F5: variants seen among roughly 807,000 people sequenced by gnomAD.
The protein encoded by F5 is activated protein c cofactor.
A neutral mutation model predicts 216.4 loss-of-function variants in F5; 138 were observed. The ratio of observed to expected loss-of-function variants is 0.64; its 90% CI spans 0.56 to 0.73. The LOEUF (loss-of-function observed/expected upper bound fraction) is 0.73. Ranked by LOEUF, F5 falls within the 30% of genes least tolerant of loss-of-function variation. The pLI is 0.00. For missense variants in F5, 2,403 were observed against 2,674.0 expected (o/e 0.90, Z 2.24); for synonymous variants, 916 against 930.7 (o/e 0.98, Z 0.29).
At chr1:169,563,898 T>C (rs1052367467) in intron 3 of F5, among the ~76,000 whole-genome samples, 1 of 152,116 alleles carries the variant, frequency 6.6e-6, no homozygotes, top group African/African-American at 2.4e-5. Context: ...TGGTTATGAG[T>C]CATCTCTTTC....
At position 169,526,712 on chromosome 1, in the gene F5, GT is replaced by G. The variant is rs142051939; in HGVS notation, c.5600-696del. Among the ~76,000 whole-genome samples the G allele has an allele frequency of 4.0e-3, 606 of 152,130 alleles. 28 individuals are homozygous for G. In the East Asian group the frequency reaches 0.096, roughly 24 times the overall value. ...TCCTCTCTCCAATGCAGGTATTTAG[GT>G]TTGCAGATTTAGAGACACCAGCCAA... On this transcript the variant is annotated intron_variant, in intron 17 of 24. Transcript: ENST00000367797.
rs1660654868 is a variant in F5 at position 169,568,307 on chromosome 1, T to G, written c.373+3914A>C. Among the ~76,000 whole-genome samples, 3 of 152,158 alleles carry G rather than the reference T, an allele frequency of 2.0e-5. No individual in the cohort carries two copies. The South Asian group carries it at 6.2e-4, about 31-fold the overall frequency. On this transcript the variant is annotated intron_variant, in intron 3 of 24. Coordinates refer to ENST00000367797, the MANE Select transcript of F5 (RefSeq NM_000130.5). ...GATATAGACTTGTACATAGGATATA[T>G]TCTATAATTACACTGAGTGAGATGG... is the stretch of plus-strand genomic sequence containing the variant.
At chr1:169,546,803 T>G (rs1302093272) in intron 10 of F5, among the ~76,000 whole-genome samples, 1 of 151,778 alleles carries the variant, frequency 6.6e-6, no homozygotes, top group Non-Finnish European at 1.5e-5. Flanking sequence ...CTTTCTTACA[T>G]CATATACAAA....
At chr1:169,580,726 T>A (rs1660968108) in intron 2 of F5, among the ~76,000 whole-genome samples, 1 of 152,054 alleles carries the variant, frequency 6.6e-6, no homozygotes, top group Non-Finnish European at 1.5e-5. Context: ...CTGTTTAAAA[T>A]TAAATAAATA....
intron 9 of F5, among the ~76,000 whole-genome samples, chr1:169,550,281 GC>G (rs1162969643): frequency 6.3e-5 from 2 of 31,790 alleles, no homozygotes; most frequent in Admixed American, 2.8e-4. Flanking sequence ...CCCTCCCCCC[GC>G]CCCCCACCCC....
intron 8 of F5, among the ~76,000 whole-genome samples, chr1:169,551,376 G>A: frequency 6.6e-6 from 1 of 152,228 alleles, no homozygotes; most frequent in South Asian, 2.1e-4. Flanking sequence ...CCTGAGCCCA[G>A]GAAGTGGAGG....
At position 169,515,454 on chromosome 1, in the gene F5, A is replaced by G. The variant is rs1659135902; in HGVS notation, c.6518T>C (p.Met2173Thr). ...CAGATGCCACTCTACCTTGTCCACC[A>G]TGGAGGATTTCAGCCTGTATGGTTT... ...EWKPYRLKSS[M>T]VDKIFEGNTN... Residue 2173 changes from methionine (M) to threonine (T), a missense_variant, in exon 24 of 25, where the codon ATG (methionine) becomes ACG (threonine). Around this residue, in one of 4 missense-constraint regions of F5, gnomAD observed 659 missense variants for 787.9 expected, o/e 0.84. Coordinates refer to ENST00000367797, the MANE Select transcript of F5 (RefSeq NM_000130.5). 2.5e-6 allele frequency: 4 copies of G among 1,613,282 alleles called. No individual in the cohort carries two copies. Among genetic ancestry groups the G allele is most frequent in the East Asian group, 2.2e-5 (1 of 44,858 alleles).
chr1:169,549,210 C>T (rs1660096390), intron 10 of F5, among the ~76,000 whole-genome samples: 1 of 152,162 alleles, frequency 6.6e-6, no homozygotes, highest in Admixed American at 6.5e-5. Flanking sequence ...TATGAGACTA[C>T]AATTCTTCAA....
intron 10 of F5, among the ~76,000 whole-genome samples, chr1:169,548,080 T>G (rs2101823972): frequency 6.6e-6 from 1 of 152,202 alleles, no homozygotes; most frequent in East Asian, 1.9e-4. Flanking sequence ...CTAAGCAAGT[T>G]AACGCAAGAA....
At chr1:169,583,045 T>C (rs9332496) in intron 1 of F5, among the ~76,000 whole-genome samples, 7,314 of 152,256 alleles carry the variant, frequency 0.048, 595 homozygotes, top group African/African-American at 0.16. Flanking sequence ...AAAAACTGTT[T>C]TGGAAAGAGT....
At chr1:169,536,478 A>C in intron 14 of F5, 28 bp downstream of exon 14, 3 of 1,604,102 alleles carry the variant, frequency 1.9e-6, no homozygotes, top group South Asian at 1.1e-5. Context: ...ATTCCTCCGA[A>C]GATCTTAGCA....
chr1:169,523,694 G>T, intron 20 of F5, 107 bp downstream of exon 20: 2 of 1,037,006 alleles, frequency 1.9e-6, no homozygotes, highest in Non-Finnish European at 3.0e-6. Flanking sequence ...CTTAGTACTT[G>T]CTATTTCCCC....
At chr1:169,543,760 G>A (rs1659930779) in intron 12 of F5, among the ~76,000 whole-genome samples, 1 of 152,134 alleles carries the variant, frequency 6.6e-6, no homozygotes, top group African/African-American at 2.4e-5. Flanking sequence ...CTATTTTAAT[G>A]GTCAAAGTAA....
intron 3 of F5, among the ~76,000 whole-genome samples, chr1:169,564,669 C>A (rs1020609389): frequency 1.3e-5 from 2 of 152,080 alleles, no homozygotes; most frequent in Admixed American, 1.3e-4. Context: ...TATTTTTTTA[C>A]ATTACAGCAA....
intron 16 of F5, 115 bp downstream of exon 16, chr1:169,529,493 G>T: frequency 2.1e-6 from 2 of 959,178 alleles, no homozygotes; most frequent in Non-Finnish European, 3.3e-6. Context: ...TTTAGTTGTA[G>T]CTCTGGGTGT....
chr1:169,560,847 A>G (rs1660465759), intron 3 of F5, 81 bp from the exon 4 acceptor site: 6 of 1,258,312 alleles, frequency 4.8e-6, no homozygotes. Context: ...GGGGATAGCT[A>G]AGATGAGTTC....
intron 17 of F5, 62 bp from the exon 18 acceptor site, chr1:169,526,079 G>A: frequency 1.8e-6 from 2 of 1,137,258 alleles, no homozygotes; most frequent in South Asian, 2.5e-5. Context: ...GTGGTTGATA[G>A]TTCTCTAAGA....
rs60015398 is a variant in F5, at chr1:169,550,288, A to AC, written c.1397-274dup. Among the ~76,000 whole-genome samples, 297 of 72,234 alleles carry AC rather than the reference A, an allele frequency of 4.1e-3. 1 individual carries two copies. The highest frequency in any genetic ancestry group is 7.9e-3 in the South Asian group (14 of 1,778). The allele number at this position is 72,234 out of a possible 152,430, so 47.4% of individuals were successfully genotyped here. On this transcript the variant is annotated intron_variant, in intron 9 of 24. Transcript: ENST00000367797. ...AATGCTATCCCTCCCCCCGCCCCCCACCCCCCCCCCCCGACAGGCCCCGGT... is the reference window on the plus strand; with the variant it reads ...AATGCTATCCCTCCCCCCGCCCCCCACCCCCCCCCCCCCGACAGGCCCCGGT...
At chr1:169,544,753 T>C (rs1274666798) in intron 11 of F5, among the ~76,000 whole-genome samples, 1 of 152,234 alleles carries the variant, frequency 6.6e-6, no homozygotes, top group African/African-American at 2.4e-5. Flanking sequence ...TCCATTTACA[T>C]TGATTTAGTC....
Sources: gnomAD v4.1 joint callset for allele counts (sites outside exome capture counted in the v4.1 genomes callset) on GRCh38, gnomAD v4.1.1 for gene constraint, gnomAD v4.1.1 regional missense constraint, MANE v1.5 for transcripts, NCBI Gene and HGNC (gene_info 2026-07-23, HGNC 2026-07-21) for gene names.